CAMK1D: variants seen among roughly 807,000 people sequenced by gnomAD.
CAMK1D encodes calcium/calmodulin dependent protein kinase ID, also known as calcium/calmodulin-dependent protein kinase type 1D.
Under a neutral mutation model 47.7 loss-of-function variants are expected in CAMK1D, and 9 were observed. That is an observed-to-expected ratio of 0.19 (90% CI 0.11 to 0.33). CAMK1D has a LOEUF of 0.33. Among genes scored for constraint, CAMK1D ranks in the 10% least tolerant of loss-of-function variants. CAMK1D has a pLI of 1.00. For synonymous variants in CAMK1D, 184 were observed against 184.9 expected (o/e 0.99, Z 0.04); for missense variants, 291 against 488.7 (o/e 0.60, Z 3.81).
At chr10:12,381,726 C>A (rs1332894906) in intron 1 of CAMK1D, among the ~76,000 whole-genome samples, 1 of 152,070 alleles carries the variant, frequency 6.6e-6, no homozygotes, top group African/African-American at 2.4e-5. Flanking sequence ...AAGCAGTCCG[C>A]GTTCATGTTC....
chr10:12,719,876 T>C (rs1337817919), intron 3 of CAMK1D, among the ~76,000 whole-genome samples: 1 of 152,128 alleles, frequency 6.6e-6, no homozygotes, highest in Non-Finnish European at 1.5e-5. Flanking sequence ...CTCTGGGAAG[T>C]GTGGTTGAGA....
chr10:12,535,010 C>G (rs950887953), intron 1 of CAMK1D, among the ~76,000 whole-genome samples: 1 of 152,306 alleles, frequency 6.6e-6, no homozygotes, highest in Admixed American at 6.5e-5. Flanking sequence ...GAGAAGGAAA[C>G]AGGTTTGGTG....
At chr10:12,694,011 ATT>A (rs1564497781) in intron 3 of CAMK1D, among the ~76,000 whole-genome samples, 18 of 77,180 alleles carry the variant, frequency 2.3e-4, no homozygotes, top group Admixed American at 9.2e-4. Context: ...TATAATATAT[ATT>A]AAATATATAT....
intron 1 of CAMK1D, among the ~76,000 whole-genome samples, chr10:12,388,317 G>A (rs377742975): frequency 4.6e-5 from 7 of 152,130 alleles, no homozygotes; most frequent in African/African-American, 1.4e-4. Context: ...GTGAGCCACC[G>A]TGCCCGGCCC....
chr10:12,462,784 T>C (rs1407358075), intron 1 of CAMK1D, among the ~76,000 whole-genome samples: 1 of 152,100 alleles, frequency 6.6e-6, no homozygotes, highest in Non-Finnish European at 1.5e-5. Flanking sequence ...CTTGACCTCC[T>C]GGGCTCAAGC....
chr10:12,526,810 T>G (rs2478974), intron 1 of CAMK1D, among the ~76,000 whole-genome samples: 81,141 of 150,294 alleles, frequency 0.54, 22,008 homozygotes, highest in South Asian at 0.68. Flanking sequence ...CCCAGCTACT[T>G]GGCAGGCTGA....
intron 2 of CAMK1D, among the ~76,000 whole-genome samples, chr10:12,587,402 G>T (rs1366276936): frequency 6.6e-6 from 1 of 152,116 alleles, no homozygotes; most frequent in Admixed American, 6.5e-5. Context: ...GTCTCCATTT[G>T]TTCTGGGTTA....
In CAMK1D at chr10:12,644,670, C is replaced by T. The variant is rs59524761; in HGVS notation, c.225-22066C>T. Among the ~76,000 whole-genome samples the T allele has an allele frequency of 1.0e-3, 152 of 152,276 alleles. 1 individual carries two copies. The highest frequency in any genetic ancestry group is 3.4e-3 in the African/African-American group (143 of 41,554). The stretch of plus-strand genomic sequence containing the variant: ...AGTAACCTCCAATACGGAGGCTTCC[C>T]TCTGCTTCTAAAGGGGCTTCTAGCC... On this transcript the variant is annotated intron_variant, in intron 2 of 10. Coordinates refer to ENST00000619168, the MANE Select transcript of CAMK1D (RefSeq NM_153498.4).
chr10:12,455,926 G>C (rs763922392), intron 1 of CAMK1D, among the ~76,000 whole-genome samples: 4 of 152,204 alleles, frequency 2.6e-5, no homozygotes, highest in Non-Finnish European at 5.9e-5. Flanking sequence ...GTTCGTGCCA[G>C]TATGAAAGCA....
chr10:12,599,838 C>T (rs1294942808), intron 2 of CAMK1D, among the ~76,000 whole-genome samples: 3 of 152,204 alleles, frequency 2.0e-5, no homozygotes, highest in Non-Finnish European at 4.4e-5. Flanking sequence ...GTATAAATCC[C>T]TTATCATCAG....
chr10:12,657,072 A>G (rs1840139016), intron 2 of CAMK1D, among the ~76,000 whole-genome samples: 1 of 152,230 alleles, frequency 6.6e-6, no homozygotes, highest in East Asian at 1.9e-4. Flanking sequence ...GTGCACTTTT[A>G]TGGATATATT....
intron 6 of CAMK1D, among the ~76,000 whole-genome samples, chr10:12,808,151 C>G (rs59839798): frequency 6.6e-6 from 1 of 152,040 alleles, no homozygotes; most frequent in African/African-American, 2.4e-5. Context: ...CCTGCTTATC[C>G]CCTGAGATAG....
In CAMK1D at chr10:12,797,189, C is replaced by G. The variant is rs533520040; in HGVS notation, c.641+5956C>G. Among the ~76,000 whole-genome samples the G allele has an allele frequency of 2.8e-5, 4 of 144,240 alleles. No individual in the cohort carries two copies. In the South Asian group the frequency reaches 8.7e-4, roughly 31 times the overall value. 94.6% of individuals were successfully genotyped at this position (144,240 alleles called of 152,430 possible). ...TCTCTTGGCTGGGTAGCACAGCTGA[C>G]CAGTTCCTTTTTTTTTTTTTTTGTT... On this transcript the variant is annotated intron_variant, in intron 6 of 10. Coordinates refer to ENST00000619168, the MANE Select transcript of CAMK1D (RefSeq NM_153498.4).
Position 12,357,473 on chromosome 10 carries a change from G to A in CAMK1D, c.92+7563G>A, listed in dbSNP as rs1325129464. Among the ~76,000 whole-genome samples the A allele has an allele frequency of 6.6e-5, 10 of 152,130 alleles. No individual in the cohort carries two copies. In the South Asian group the frequency reaches 1.2e-3, roughly 19 times the overall value. ...TAGGACTACAGGCGCGTACTACCACGCCCAGCTAATTTTTGTATTTTTGGT... is the reference window on the plus strand; with the variant it reads ...TAGGACTACAGGCGCGTACTACCACACCCAGCTAATTTTTGTATTTTTGGT... On this transcript the variant is annotated intron_variant, in intron 1 of 10. Transcript: ENST00000619168.
chr10:12,453,121 G>A (rs1273529291), intron 1 of CAMK1D, among the ~76,000 whole-genome samples: 1 of 151,966 alleles, frequency 6.6e-6, no homozygotes, highest in Non-Finnish European at 1.5e-5. Context: ...TTTATGACTG[G>A]CTTATTTCAC....
intron 1 of CAMK1D, among the ~76,000 whole-genome samples, chr10:12,472,977 T>C (rs994216551): frequency 3.9e-5 from 6 of 152,158 alleles, no homozygotes; most frequent in African/African-American, 1.2e-4. Flanking sequence ...TGGGGATTGC[T>C]CTGAGGTGGC....
At chr10:12,623,127 T>TCTTCCCTCCCTC (rs1249875257) in intron 2 of CAMK1D, among the ~76,000 whole-genome samples, 58 of 53,014 alleles carry the variant, frequency 1.1e-3, no homozygotes, top group East Asian at 1.7e-3. Context: ...CTTCTTTCCT[T>TCTTCCCTCCCTC]CCTCCCTCCC....
chr10:12,757,126 A>C (rs1394600082), intron 3 of CAMK1D, among the ~76,000 whole-genome samples: 1 of 146,568 alleles, frequency 6.8e-6, no homozygotes, highest in Non-Finnish European at 1.5e-5. Flanking sequence ...CTATTATGCC[A>C]TTCATTCACT....
rs1044806366 is a variant in CAMK1D at position 12,552,943 on chromosome 10, A to C, written c.93-282A>C. 1.1e-3 allele frequency among the ~76,000 whole-genome samples: 163 copies of C among 152,132 alleles called. 1 individual carries two copies. The highest frequency in any genetic ancestry group is 3.8e-3 in the African/African-American group (157 of 41,494). On this transcript the variant is annotated intron_variant, in intron 1 of 10. Coordinates refer to ENST00000619168, the MANE Select transcript of CAMK1D (RefSeq NM_153498.4). The stretch of plus-strand genomic sequence containing the variant: ...TTTTTAGTAGAGACGGGGTTTCATC[A>C]TGTTGGCCAGGCTGGTCTTAAACTC...
Sources: gnomAD v4.1 joint callset for allele counts (sites outside exome capture counted in the v4.1 genomes callset) on GRCh38, gnomAD v4.1.1 for gene constraint, MANE v1.5 for transcripts, NCBI Gene and HGNC (gene_info 2026-07-23, HGNC 2026-07-21) for gene names.